MADD: variants seen among roughly 807,000 people sequenced by gnomAD.
MADD encodes MAP kinase activating death domain.
Under a neutral mutation model 176.7 loss-of-function variants are expected in MADD, and 109 were observed. The observed-to-expected ratio is 0.62, with a 90% CI of 0.53 to 0.72. The LOEUF (loss-of-function observed/expected upper bound fraction) is 0.72. Among genes scored for constraint, MADD ranks in the 30% least tolerant of loss-of-function variants. The pLI, the probability that MADD is intolerant of heterozygous loss-of-function variation, is 0.00. For missense variants in MADD, 1,914 were observed against 2,045.5 expected, an observed-to-expected ratio of 0.94 and a Z score of 1.24; for synonymous variants, 771 against 771.3, an observed-to-expected ratio of 1.00 and a Z score of 0.01.
At position 47,329,128 on chromosome 11, in the gene MADD, C is replaced by T. The variant is rs755722711; in HGVS notation, c.4742C>T (p.Pro1581Leu). The change falls in exon 33 of 33, where the codon CCG becomes CTG. Residue 1581 changes from proline (P) to leucine (L), a missense_variant. Pro to Leu is a moderately conservative substitution (Grantham distance 98). This residue lies in a region of MADD where 147 missense variants were observed against 209.5 expected (regional missense o/e 0.70). Transcript: ENST00000402192. Reference sequence around the variant, plus strand: ...AGCAGTGAGGAAGATCTCAGAACCCCGCCCCGGCCTGTCTCTAGCTGATGG... The same window carrying T: ...AGCAGTGAGGAAGATCTCAGAACCCTGCCCCGGCCTGTCTCTAGCTGATGG... 1.1e-5 allele frequency: 17 copies of T among 1,613,938 alleles called. No homozygotes were observed. The Admixed American group carries it at 1.2e-4, about 11-fold the overall frequency.
chr11:47,289,495 TA>T lies in MADD; in HGVS notation c.2756+4del. 1 of 1,612,472 alleles carries T rather than the reference TA, an allele frequency of 6.2e-7. No individual in the cohort carries two copies. The highest frequency in any genetic ancestry group is 8.5e-7 in the Non-Finnish European group (1 of 1,178,526). Reference sequence around the variant, plus strand: ...CCAGGGTCGATCCAGCAATTCTAGGTAATAAATGGTAGAGCTGTTTTAAAAG... The same window carrying T: ...CCAGGGTCGATCCAGCAATTCTAGGTATAAATGGTAGAGCTGTTTTAAAAG... On this transcript the variant is annotated splice_donor_region_variant and intron_variant, in intron 16 of 32. Coordinates refer to ENST00000402192, the Ensembl canonical transcript of MADD.
intron 1 of MADD, chr11:47,272,354 T>C (rs1965503962): frequency 6.6e-6 from 1 of 152,236 alleles, no homozygotes; most frequent in Non-Finnish European, 1.5e-5. Flanking sequence ...GTCTTGTTTA[T>C]TGTTAGGTAG....
At chr11:47,281,920 C>T (rs1237171122) in intron 8 of MADD, among the ~76,000 whole-genome samples, 167 bp downstream of exon 8, 3 of 141,812 alleles carry the variant, frequency 2.1e-5, no homozygotes, top group East Asian at 2.1e-4. Flanking sequence ...CTGCAACTTC[C>T]ACCTCCCGGG....
At chr11:47,327,893 G>T (rs1446544333) in intron 31 of MADD, 2 of 985,192 alleles carry the variant, frequency 2.0e-6, no homozygotes, top group Non-Finnish European at 2.4e-6. Context: ...CCTTCCTCTG[G>T]CCAAGCAGAA....
At chr11:47,312,826 A>G (rs2090565796) in intron 26 of MADD, among the ~76,000 whole-genome samples, 1 of 152,248 alleles carries the variant, frequency 6.6e-6, no homozygotes, top group Non-Finnish European at 1.5e-5. Context: ...TTGATTAATT[A>G]TAAATGTTTT....
At chr11:47,329,329 TCCA>T (rs2095804784) in exon 33 of MADD, 1 of 600,376 alleles carries the variant, frequency 1.7e-6, no homozygotes, top group South Asian at 1.9e-5. Context: ...CTTGAGCGTG[TCCA>T]CCTTCTCCCT....
rs945777826 is a variant in MADD at position 47,281,381 on chromosome 11, G to A, written c.1291-194G>A. The stretch of plus-strand genomic sequence containing the variant: ...TGTTTTCTAAAGGCTAGAATATTGG[G>A]ATTTTTATTTCAAAGATGAAAGGTC... On this transcript the variant is annotated intron_variant, in intron 7 of 32. Coordinates refer to ENST00000402192, the Ensembl canonical transcript of MADD. Among the ~76,000 whole-genome samples the A allele has an allele frequency of 5.3e-5, 8 of 152,222 alleles. 1 individual carries two copies. Among genetic ancestry groups the A allele is most frequent in the Admixed American group, 3.3e-4 (5 of 15,282 alleles).
chr11:47,275,375 C>A (rs1383897915), intron 3 of MADD, among the ~76,000 whole-genome samples: 2 of 152,142 alleles, frequency 1.3e-5, no homozygotes, highest in Non-Finnish European at 2.9e-5. Flanking sequence ...CACTGCAACC[C>A]CTGCCTCCTG....
chr11:47,286,392 T>TA, intron 14 of MADD, 41 bp from the exon 15 acceptor site: 1 of 1,337,372 alleles, frequency 7.5e-7, no homozygotes, highest in Non-Finnish European at 1.1e-6. Context: ...TTTGATTACT[T>TA]ACTCTGCCAA....
At chr11:47,329,336 T>G in exon 33 of MADD, 1 of 593,526 alleles carries the variant, frequency 1.7e-6, no homozygotes, top group Non-Finnish European at 3.0e-6. Context: ...GTGTCCACCT[T>G]CTCCCTCTCC....
chr11:47,289,949 C>T (rs774124659), exon 17 of MADD: 15 of 1,613,924 alleles, frequency 9.3e-6, no homozygotes, highest in South Asian at 2.2e-5. Context: ...GAAAAAGGTG[C>T]GCCGGCTGCT....
At position 47,318,920 on chromosome 11, in the gene MADD, G is replaced by A. The variant is rs1234978793; in HGVS notation, c.4197+3593G>A. Among the ~76,000 whole-genome samples, 7 of 143,330 alleles carry A rather than the reference G, an allele frequency of 4.9e-5. No homozygotes were observed. In the East Asian group the frequency reaches 1.0e-3, roughly 21 times the overall value. 94.0% of individuals were successfully genotyped at this position (143,330 alleles called of 152,430 possible). A position where few individuals can be genotyped will look rare whatever the true frequency, so the allele number is the denominator to read the frequency against. ...CTTCCCAGGTTCAAGCGATTCTCCT[G>A]CCTCAGCCTCCTGAGTAGCTGGGAC... On this transcript the variant is annotated intron_variant, in intron 27 of 32. Coordinates refer to ENST00000402192, the Ensembl canonical transcript of MADD.
intron 1 of MADD, among the ~76,000 whole-genome samples, chr11:47,271,728 CT>C (rs201072907): frequency 0.12 from 17,017 of 145,430 alleles, 1,075 homozygotes; most frequent in South Asian, 0.24. Context: ...CTACATAATT[CT>C]TTTTTTTTTT....
At chr11:47,315,172 C>T (rs776358921) in intron 26 of MADD, 48 bp from the exon 30 acceptor site, 2 of 1,161,132 alleles carry the variant, frequency 1.7e-6, no homozygotes, top group East Asian at 2.3e-5. Flanking sequence ...GCCCAGAGCC[C>T]TCTGAGAGGG....
exon 4 of MADD, chr11:47,275,995 T>C: frequency 6.2e-7 from 1 of 1,614,194 alleles, no homozygotes; most frequent in Non-Finnish European, 8.5e-7. Flanking sequence ...CCTGGATCTA[T>C]CGATTGCTGC....
At chr11:47,316,047 G>A (rs1168936674) in intron 27 of MADD, among the ~76,000 whole-genome samples, 1 of 151,972 alleles carries the variant, frequency 6.6e-6, no homozygotes, top group East Asian at 1.9e-4. Flanking sequence ...CGTTGGCCAG[G>A]CTGGTCTTGA....
At chr11:47,269,646 T>G (rs1205426686), upstream of MADD, 1 of 146,046 alleles carries the variant, frequency 6.8e-6, no homozygotes, top group African/African-American at 2.5e-5. Flanking sequence ...CCGGTGGAGG[T>G]AACCGCGGCC....
intron 25 of MADD, among the ~76,000 whole-genome samples, chr11:47,311,043 C>T (rs2088562863): frequency 6.6e-6 from 1 of 152,044 alleles, no homozygotes; most frequent in East Asian, 1.9e-4. Context: ...TTTGGTTGTA[C>T]TTGGTTTTAT....
At chr11:47,271,781 A>G (rs981715249) in intron 1 of MADD, among the ~76,000 whole-genome samples, 3 of 152,196 alleles carry the variant, frequency 2.0e-5, no homozygotes, top group Non-Finnish European at 2.9e-5. Context: ...CTTTATTAAA[A>G]CAAATTATGC....
Sources: gnomAD v4.1 joint callset for allele counts (sites outside exome capture counted in the v4.1 genomes callset) on GRCh38, gnomAD v4.1.1 for gene constraint, gnomAD v4.1.1 regional missense constraint, MANE v1.5 for transcripts, NCBI Gene and HGNC (gene_info 2026-07-23, HGNC 2026-07-21) for gene names.